RHOBTB3: variants seen among roughly 807,000 people sequenced by gnomAD.
RHOBTB3 encodes Rho related BTB domain containing 3, also known as rho-related BTB domain-containing protein 3.
Under a neutral mutation model 67.2 loss-of-function variants are expected in RHOBTB3, and 47 were observed. The ratio of observed to expected loss-of-function variants is 0.70; its 90% CI spans 0.55 to 0.89. The LOEUF is 0.89. Among genes scored for constraint, RHOBTB3 ranks in the 40% least tolerant of loss-of-function variants. The pLI, the probability that RHOBTB3 is intolerant of heterozygous loss-of-function variation, is 0.00. For missense variants in RHOBTB3, 631 were observed against 750.0 expected, an observed-to-expected ratio of 0.84 and a Z score of 1.85; for synonymous variants, 273 against 274.2, an observed-to-expected ratio of 1.00 and a Z score of 0.04.
chr5:95,718,992 A>G (rs373056668), intron 1 of RHOBTB3, among the ~76,000 whole-genome samples: 42 of 152,316 alleles, frequency 2.8e-4, no homozygotes, highest in African/African-American at 1.0e-3. Context: ...CAGTGATATT[A>G]TCTAGGATTT....
chr5:95,738,634 T>C (rs762474396), intron 3 of RHOBTB3, among the ~76,000 whole-genome samples: 2 of 151,910 alleles, frequency 1.3e-5, no homozygotes, highest in Non-Finnish European at 1.5e-5. Context: ...CATGGGACGA[T>C]GCAGCAGGAA....
At chr5:95,732,377 A>C (rs1055548498) in intron 2 of RHOBTB3, 17 of 569,238 alleles carry the variant, frequency 3.0e-5, no homozygotes, top group Non-Finnish European at 3.4e-5. Flanking sequence ...GAATGTGCCA[A>C]CTCCAAGGGA....
intron 10 of RHOBTB3, among the ~76,000 whole-genome samples, chr5:95,784,979 C>A (rs73777815): frequency 1.7e-3 from 258 of 152,304 alleles, no homozygotes; most frequent in African/African-American, 6.0e-3. Context: ...GTCAGTACTT[C>A]TTGAACTATT....
intron 8 of RHOBTB3, among the ~76,000 whole-genome samples, chr5:95,776,381 G>A (rs541527998): frequency 8.6e-5 from 13 of 151,344 alleles, no homozygotes; most frequent in East Asian, 5.8e-4. Context: ...TACTCTAGCC[G>A]GAAGACAGAG....
At chr5:95,747,580 A>AG (rs1744959045) in intron 3 of RHOBTB3, among the ~76,000 whole-genome samples, 1 of 152,228 alleles carries the variant, frequency 6.6e-6, no homozygotes. Flanking sequence ...TAGCCTTACT[A>AG]GGGATGTTCT....
intron 3 of RHOBTB3, among the ~76,000 whole-genome samples, chr5:95,743,706 C>T (rs1194583267): frequency 9.3e-6 from 1 of 107,774 alleles, no homozygotes; most frequent in Non-Finnish European, 1.9e-5. Context: ...TTCTTCTCCT[C>T]CCCCCCATTT....
chr5:95,736,050 C>T (rs920814450), intron 2 of RHOBTB3, among the ~76,000 whole-genome samples: 33 of 151,852 alleles, frequency 2.2e-4, no homozygotes, highest in Non-Finnish European at 3.7e-4. Context: ...TGCAGTGAGC[C>T]GAGATCGCAC....
At chr5:95,774,701 G>C (rs1745816895) in intron 8 of RHOBTB3, among the ~76,000 whole-genome samples, 4 of 152,096 alleles carry the variant, frequency 2.6e-5, no homozygotes, top group African/African-American at 4.8e-5. Flanking sequence ...GGCAGTGTAT[G>C]AAAGTGCTTG....
chr5:95,731,600 G>A lies in RHOBTB3; in HGVS notation c.-83G>A. On this transcript the variant is annotated 5_prime_UTR_variant, in exon 1 of 12. In the 5' UTR this introduces an upstream ATG that the reference lacks. Transcript: ENST00000379982. ...GCGGCCGGGGATGAGCGGATTGCGG[G>A]TGAACTCGCCGCCCGGGGGCCCCGC... 3 of 1,590,550 alleles carry A rather than the reference G, an allele frequency of 1.9e-6. No individual in the cohort carries two copies. Among genetic ancestry groups the A allele is most frequent in the Non-Finnish European group, 2.6e-6 (3 of 1,169,070 alleles).
At chr5:95,754,379 GC>G (rs1407107397) in intron 5 of RHOBTB3, among the ~76,000 whole-genome samples, 6 of 152,214 alleles carry the variant, frequency 3.9e-5, no homozygotes, top group Non-Finnish European at 8.8e-5. Context: ...CTGTAAAGGG[GC>G]CACAGGCAGT....
intron 3 of RHOBTB3, among the ~76,000 whole-genome samples, chr5:95,743,819 C>T (rs1445807064): frequency 6.6e-6 from 1 of 151,258 alleles, no homozygotes; most frequent in Non-Finnish European, 1.5e-5. Flanking sequence ...AGTGATTCTC[C>T]TGCCTCAGCC....
intron 3 of RHOBTB3, among the ~76,000 whole-genome samples, chr5:95,744,450 T>G (rs1398321462): frequency 6.6e-6 from 1 of 152,116 alleles, no homozygotes; most frequent in Non-Finnish European, 1.5e-5. Context: ...CTCAGTTGAC[T>G]ATGAGTTTTT....
intron 4 of RHOBTB3, 48 bp downstream of exon 4, chr5:95,748,535 C>G (rs1248635260): frequency 6.9e-7 from 1 of 1,445,866 alleles, no homozygotes; most frequent in Admixed American, 1.9e-5. Context: ...CAGGTTGCCT[C>G]TTTAGGTATT....
At chr5:95,756,529 A>G (rs1745251507) in intron 6 of RHOBTB3, among the ~76,000 whole-genome samples, 1 of 152,172 alleles carries the variant, frequency 6.6e-6, no homozygotes, top group South Asian at 2.1e-4. Flanking sequence ...ATATACACAG[A>G]AGTGGAATTG....
intron 3 of RHOBTB3, among the ~76,000 whole-genome samples, chr5:95,746,083 T>C (rs1036476495): frequency 6.6e-6 from 1 of 152,122 alleles, no homozygotes; most frequent in Non-Finnish European, 1.5e-5. Flanking sequence ...TTTTCCTTTC[T>C]GGTGAGTGAA....
At chr5:95,753,653 G>A (rs1580407741) in intron 5 of RHOBTB3, among the ~76,000 whole-genome samples, 2 of 152,138 alleles carry the variant, frequency 1.3e-5, no homozygotes, top group East Asian at 3.8e-4. Flanking sequence ...GGTCTATTAG[G>A]TTGCAAACCC....
intron 8 of RHOBTB3, chr5:95,769,675 CT>C: frequency 5.9e-6 from 1 of 168,890 alleles, no homozygotes; most frequent in East Asian, 1.8e-4. Flanking sequence ...TTTTGCATAT[CT>C]TATTAATGTA....
intron 2 of RHOBTB3, among the ~76,000 whole-genome samples, 163 bp from the exon 3 acceptor site, chr5:95,736,726 A>G (rs182850423): frequency 6.6e-6 from 1 of 152,360 alleles, no homozygotes; most frequent in Non-Finnish European, 1.5e-5. Context: ...GAGTAAGTAA[A>G]CATTTTTAAA....
intron 6 of RHOBTB3, among the ~76,000 whole-genome samples, chr5:95,761,030 C>G (rs1432937430): frequency 6.6e-6 from 1 of 152,176 alleles, no homozygotes; most frequent in African/African-American, 2.4e-5. Context: ...TGTGTGTTCT[C>G]AGACAGTTCA....
Sources: allele counts gnomAD v4.1 joint callset (sites outside exome capture counted in the v4.1 genomes callset), GRCh38; gene constraint gnomAD v4.1.1; transcripts MANE v1.5; gene names NCBI Gene and HGNC (gene_info 2026-07-23, HGNC 2026-07-21).